IGF2BP2: variants seen among roughly 807,000 people sequenced by gnomAD.
IGF2BP2 encodes the protein insulin-like growth factor 2 mRNA-binding protein 2.
Under a neutral mutation model 75.8 loss-of-function variants are expected in IGF2BP2, and 17 were observed. The ratio of observed to expected loss-of-function variants is 0.22; its 90% CI spans 0.15 to 0.34. The LOEUF (loss-of-function observed/expected upper bound fraction) is 0.34, where lower values mean the gene tolerates loss of function less well. Ranked by LOEUF, IGF2BP2 falls within the 10% of genes least tolerant of loss-of-function variation. IGF2BP2 has a pLI of 1.00. For synonymous variants in IGF2BP2, 288 were observed against 295.6 expected (o/e 0.97, Z 0.26); for missense variants, 516 against 772.4 (o/e 0.67, Z 3.93).
intron 2 of IGF2BP2, among the ~76,000 whole-genome samples, chr3:185,733,074 G>A (rs1223329847): frequency 6.6e-6 from 1 of 152,122 alleles, no homozygotes; most frequent in Non-Finnish European, 1.5e-5. Context: ...AACTAGGGGA[G>A]GATACAATAA....
At chr3:185,664,801 C>T (rs1560248851) in intron 10 of IGF2BP2, among the ~76,000 whole-genome samples, 1 of 152,084 alleles carries the variant, frequency 6.6e-6, no homozygotes, top group Admixed American at 6.5e-5. Context: ...TTTGCTATAA[C>T]TTTCCTCTTC....
chr3:185,692,905 C>A, intron 4 of IGF2BP2, 143 bp from the exon 5 acceptor site: 1 of 665,360 alleles, frequency 1.5e-6, no homozygotes, highest in South Asian at 1.9e-5. Flanking sequence ...TACGTTTATT[C>A]ATCTGAGTTC....
At chr3:185,712,857 A>G (rs1013140519) in intron 2 of IGF2BP2, among the ~76,000 whole-genome samples, 4 of 152,142 alleles carry the variant, frequency 2.6e-5, no homozygotes, top group Admixed American at 1.3e-4. Context: ...ATCAAAAAAC[A>G]ATGGGTTTGT....
rs374321054 is a variant in IGF2BP2 at position 185,802,694 on chromosome 3, G to A, written c.239+20459C>T. ...AAACCCAATGCAGCATTACCAACTA[G>A]GTATAAAATTTCTCTTACACACCCA... On this transcript the variant is annotated intron_variant, in intron 2 of 15. Coordinates refer to ENST00000382199, the MANE Select transcript of IGF2BP2 (RefSeq NM_006548.6). Among the ~76,000 whole-genome samples the A allele has an allele frequency of 1.4e-4, 22 of 152,248 alleles. 2 individuals are homozygous for A. The highest frequency in any genetic ancestry group is 4.6e-4 in the Admixed American group (7 of 15,292).
chr3:185,772,488 G>A (rs941406678), intron 2 of IGF2BP2, among the ~76,000 whole-genome samples: 3 of 151,732 alleles, frequency 2.0e-5, no homozygotes, highest in African/African-American at 4.8e-5. Context: ...GTACTACAAC[G>A]GCTGTACATA....
At chr3:185,673,420 C>A (rs888412263) in intron 9 of IGF2BP2, among the ~76,000 whole-genome samples, 1 of 152,248 alleles carries the variant, frequency 6.6e-6, no homozygotes, top group Admixed American at 6.5e-5. Flanking sequence ...TTCCCACATA[C>A]GTAAACTCCA....
chr3:185,703,334 CTGAG>C (rs1286255633), intron 2 of IGF2BP2, among the ~76,000 whole-genome samples: 1 of 152,168 alleles, frequency 6.6e-6, no homozygotes, highest in Non-Finnish European at 1.5e-5. Context: ...AAGGTTCCAA[CTGAG>C]TGAATTTCAG....
Position 185,658,218 on chromosome 3 carries a change from C to T in IGF2BP2, c.1269+123G>A. On this transcript the variant is annotated intron_variant, in intron 11 of 15. Coordinates refer to ENST00000382199, the MANE Select transcript of IGF2BP2 (RefSeq NM_006548.6). Reference sequence around the variant, plus strand: ...GCTCAGGCTTTGAGGTGTGTCACTCCCAGGACAAACCAGAACCACAGGAGA... The same window carrying T: ...GCTCAGGCTTTGAGGTGTGTCACTCTCAGGACAAACCAGAACCACAGGAGA... 3.1e-6 allele frequency: 3 copies of T among 972,860 alleles called. No homozygotes were observed. In the South Asian group the frequency reaches 4.2e-5, roughly 14 times the overall value. The allele number at this position is 972,860 out of a possible 1,614,324, so 60.3% of individuals were successfully genotyped here.
chr3:185,774,994 T>C (rs1207351687), intron 2 of IGF2BP2, among the ~76,000 whole-genome samples: 2 of 150,998 alleles, frequency 1.3e-5, no homozygotes, highest in African/African-American at 4.9e-5. Context: ...CACTCCAGCC[T>C]GGGCAACAGA....
At chr3:185,689,193 T>C in intron 6 of IGF2BP2, 162 bp downstream of exon 6, 1 of 694,274 alleles carries the variant, frequency 1.4e-6, no homozygotes, top group Middle Eastern at 4.1e-4. Flanking sequence ...AGCCCCCAGC[T>C]TGATGTTAGT....
chr3:185,660,222 G>A, intron 10 of IGF2BP2, among the ~76,000 whole-genome samples: 1 of 152,198 alleles, frequency 6.6e-6, no homozygotes, highest in East Asian at 1.9e-4. Flanking sequence ...TGGGCACCAT[G>A]GAACCAATTC....
intron 2 of IGF2BP2, among the ~76,000 whole-genome samples, chr3:185,716,206 A>G (rs1725585749): frequency 6.6e-6 from 1 of 151,692 alleles, no homozygotes; most frequent in Admixed American, 6.6e-5. Context: ...TTTAGTACAC[A>G]CGAATAAGGC....
At chr3:185,761,141 T>C (rs1348697647) in intron 2 of IGF2BP2, among the ~76,000 whole-genome samples, 1 of 152,096 alleles carries the variant, frequency 6.6e-6, no homozygotes, top group Non-Finnish European at 1.5e-5. Flanking sequence ...ACACCTAGGC[T>C]GATATTCCCA....
rs891942864 is a variant in IGF2BP2, at chr3:185,645,924, G to A, written c.1708-301C>T. On this transcript the variant is annotated intron_variant, in intron 15 of 15. Transcript: ENST00000382199. The surrounding 1 kb of genome is among the most constrained non-coding windows in gnomAD (Gnocchi z 4.9). ...AGCAGGGCGCCAGCAACTGGGGGCC[G>A]TGCAGAGTCAGATGCTACACTTGGG... is the stretch of plus-strand genomic sequence containing the variant. Among the ~76,000 whole-genome samples, 11 of 152,150 alleles carry A rather than the reference G, an allele frequency of 7.2e-5. No homozygotes were observed. The highest frequency in any genetic ancestry group is 1.9e-4 in the East Asian group (1 of 5,194).
intron 2 of IGF2BP2, among the ~76,000 whole-genome samples, chr3:185,715,714 G>A (rs1174073507): frequency 6.6e-6 from 1 of 151,888 alleles, no homozygotes; most frequent in African/African-American, 2.4e-5. Flanking sequence ...CATGGTCTCG[G>A]CTCACTGCAA....
At chr3:185,686,341 A>G (rs1721128107) in intron 7 of IGF2BP2, among the ~76,000 whole-genome samples, 1 of 151,582 alleles carries the variant, frequency 6.6e-6, no homozygotes, top group South Asian at 2.1e-4. Flanking sequence ...ACAAGATTGC[A>G]CTACTGCACT....
intron 2 of IGF2BP2, among the ~76,000 whole-genome samples, chr3:185,789,878 C>A (rs577209781): frequency 6.6e-6 from 1 of 152,022 alleles, no homozygotes; most frequent in Non-Finnish European, 1.5e-5. Context: ...GGATTACAGG[C>A]GTCCGCCACC....
chr3:185,753,980 G>A (rs1731278939), intron 2 of IGF2BP2, among the ~76,000 whole-genome samples: 1 of 151,914 alleles, frequency 6.6e-6, no homozygotes, highest in South Asian at 2.1e-4. Context: ...GAGACAGATG[G>A]ATCACTTGAG....
chr3:185,757,566 G>A (rs1731799385), intron 2 of IGF2BP2, among the ~76,000 whole-genome samples: 1 of 151,182 alleles, frequency 6.6e-6, no homozygotes, highest in South Asian at 2.1e-4. Flanking sequence ...CCGGGTTCAG[G>A]TGATTTTTCC....
Sources: allele counts gnomAD v4.1 joint callset (sites outside exome capture counted in the v4.1 genomes callset), GRCh38; gene constraint gnomAD v4.1.1; non-coding constraint Gnocchi (gnomAD v3.1); transcripts MANE v1.5; gene names NCBI Gene and HGNC (gene_info 2026-07-23, HGNC 2026-07-21).